The following PRKCH variants were observed in gnomAD, a reference collection of about 807,000 sequenced individuals.
PRKCH encodes protein kinase C eta type.
In PRKCH, 28 loss-of-function variants were observed where a neutral mutation model predicts 82.5. That is an observed-to-expected ratio of 0.34 (90% CI 0.25 to 0.47). The LOEUF (loss-of-function observed/expected upper bound fraction) is 0.47. PRKCH is among the 20% of genes least tolerant of loss of function. The pLI, the probability that PRKCH is intolerant of heterozygous loss-of-function variation, is 1.00. For missense variants in PRKCH, 705 were observed against 881.8 expected, an observed-to-expected ratio of 0.80 and a Z score of 2.54; for synonymous variants, 322 against 327.4, an observed-to-expected ratio of 0.98 and a Z score of 0.18.
chr14:61,408,953 G>A (rs762903433), intron 2 of PRKCH, among the ~76,000 whole-genome samples: 15 of 152,238 alleles, frequency 9.9e-5, no homozygotes, highest in Non-Finnish European at 2.2e-4. Context: ...TCAGGGCAAG[G>A]TCGGGAAGGT....
At chr14:61,511,107 C>T (rs1180260746) in intron 10 of PRKCH, among the ~76,000 whole-genome samples, 5 of 152,180 alleles carry the variant, frequency 3.3e-5, no homozygotes, top group Admixed American at 6.5e-5. Context: ...GAACTCTCAT[C>T]TTACTTTGGT....
intron 5 of PRKCH, among the ~76,000 whole-genome samples, chr14:61,450,478 T>A (rs142380681): frequency 4.9e-4 from 75 of 152,290 alleles, no homozygotes; most frequent in African/African-American, 1.8e-3. Flanking sequence ...ATATAGTGTA[T>A]AAAAGACCCA....
intron 2 of PRKCH, among the ~76,000 whole-genome samples, chr14:61,395,549 A>C (rs535055122): frequency 3.3e-5 from 5 of 152,154 alleles, no homozygotes; most frequent in Non-Finnish European, 7.4e-5. Flanking sequence ...TCCTGGAGGC[A>C]CTGTCAAAGC....
At chr14:61,345,430 T>C (rs1191935428) in intron 1 of PRKCH, among the ~76,000 whole-genome samples, 1 of 152,212 alleles carries the variant, frequency 6.6e-6, no homozygotes, top group African/African-American at 2.4e-5. Context: ...TCAACATTTG[T>C]ATATGGAGGC....
chr14:61,195,817 G>A (rs939638008), intron 1 of PRKCH, among the ~76,000 whole-genome samples: 4 of 151,986 alleles, frequency 2.6e-5, no homozygotes, highest in African/African-American at 7.3e-5. Context: ...GCAAACTTCT[G>A]GTGTCTCTTC....
intron 9 of PRKCH, among the ~76,000 whole-genome samples, chr14:61,461,526 T>G (rs1885028061): frequency 3.9e-5 from 6 of 152,184 alleles, no homozygotes. Context: ...TGACATGAGG[T>G]TAGATCATCT....
intron 2 of PRKCH, among the ~76,000 whole-genome samples, chr14:61,430,357 G>A (rs1883323276): frequency 6.6e-6 from 1 of 152,112 alleles, no homozygotes; most frequent in African/African-American, 2.4e-5. Flanking sequence ...ATTTTTAGTG[G>A]GAGTTCAAAA....
At chr14:61,226,725 A>G (rs774597423) in intron 1 of PRKCH, among the ~76,000 whole-genome samples, 1 of 152,212 alleles carries the variant, frequency 6.6e-6, no homozygotes, top group Non-Finnish European at 1.5e-5. Flanking sequence ...GAAGGCAAAC[A>G]TTTGAGCATT....
intron 10 of PRKCH, among the ~76,000 whole-genome samples, chr14:61,489,105 A>C (rs1886349556): frequency 6.6e-6 from 1 of 152,208 alleles, no homozygotes; most frequent in African/African-American, 2.4e-5. Context: ...ACACACAGTA[A>C]AGGGCACATT....
Position 61,424,966 on chromosome 14 carries a change from A to G in PRKCH, c.428-18145A>G, listed in dbSNP as rs140873313. 5.9e-3 allele frequency among the ~76,000 whole-genome samples: 904 copies of G among 152,352 alleles called. 9 individuals carry two copies. The highest frequency in any genetic ancestry group is 0.02 in the African/African-American group (811 of 41,578). ...TTTGCTTCAGAGGGTGCAAGCCCCA[A>G]TCCTTGGTGGCTTCCATGTGGTGTT... On this transcript the variant is annotated intron_variant, in intron 2 of 13. Coordinates refer to ENST00000332981, the MANE Select transcript of PRKCH (RefSeq NM_006255.5).
intron 1 of PRKCH, among the ~76,000 whole-genome samples, chr14:61,313,267 T>C (rs2045538594): frequency 6.6e-6 from 1 of 152,236 alleles, no homozygotes; most frequent in Non-Finnish European, 1.5e-5. Context: ...GACTTGTAGT[T>C]AATAACTACT....
In PRKCH at chr14:61,201,413, C is replaced by A. The variant is rs1014791929; in HGVS notation, c.-19+13745C>A. ...TACTTCTATGATATATTGCTTCTGG[C>A]TAAGCTATGTTATCCAATCAGCAAT... On this transcript the variant is annotated intron_variant, in intron 1 of 3. Transcript: ENST00000555185. Among the ~76,000 whole-genome samples, 5 of 152,044 alleles carry A rather than the reference C, an allele frequency of 3.3e-5. No individual in the cohort carries two copies. The East Asian group carries it at 9.6e-4, about 29-fold the overall frequency.
chr14:61,402,940 A>G (rs755641491), intron 2 of PRKCH, among the ~76,000 whole-genome samples: 1 of 151,920 alleles, frequency 6.6e-6, no homozygotes, highest in South Asian at 2.1e-4. Flanking sequence ...GGTTAGTTAC[A>G]TATATATACA....
At chr14:61,420,429 T>C (rs906506584) in intron 2 of PRKCH, among the ~76,000 whole-genome samples, 1 of 152,174 alleles carries the variant, frequency 6.6e-6, no homozygotes, top group Non-Finnish European at 1.5e-5. Context: ...ACAATACCAC[T>C]ATGTGAGTCA....
intron 1 of PRKCH, among the ~76,000 whole-genome samples, chr14:61,380,719 T>C (rs1003484201): frequency 7.9e-5 from 12 of 152,330 alleles, no homozygotes; most frequent in African/African-American, 2.9e-4. Context: ...TCTTCAGATA[T>C]TGGAATCAAA....
rs755354071 is a variant in PRKCH at position 61,446,818 on chromosome 14, T to TA, written c.613+1094dup. Among the ~76,000 whole-genome samples the TA allele has an allele frequency of 6.6e-4, 101 of 152,376 alleles. 1 individual carries two copies. The highest frequency in any genetic ancestry group is 3.4e-3 in the Middle Eastern group (1 of 294). Reference sequence around the variant, plus strand: ...GTAGCCCATCTTATGCACACCAAGATAAGTTGAGAAGCTCTGGATAAACAA... The same window carrying TA: ...GTAGCCCATCTTATGCACACCAAGATAAAGTTGAGAAGCTCTGGATAAACAA... On this transcript the variant is annotated intron_variant, in intron 4 of 13. Transcript: ENST00000332981.
At chr14:61,331,411 G>A (rs530062484) in intron 1 of PRKCH, among the ~76,000 whole-genome samples, 5 of 152,166 alleles carry the variant, frequency 3.3e-5, no homozygotes, top group South Asian at 2.1e-4. Context: ...CCCGTGTACT[G>A]GGGAGGCTGA....
intron 9 of PRKCH, among the ~76,000 whole-genome samples, chr14:61,462,360 A>C (rs1885064290): frequency 6.6e-6 from 1 of 152,230 alleles, no homozygotes; most frequent in Admixed American, 6.5e-5. Context: ...ATTGCACTCC[A>C]ACCTGGGTGA....
At position 61,280,488 on chromosome 14, in the gene PRKCH, G is replaced by T. The variant is rs748199194; in HGVS notation, c.-19+92820G>T. On this transcript the variant is annotated intron_variant, in intron 1 of 3. Transcript: ENST00000555185. The surrounding 1 kb of genome is among the most constrained non-coding windows in gnomAD (Gnocchi z 5.0). ...AGTTGGGCGGGGGCGCCGTGCCCTG[G>T]AAGGCCAACGCCAGGCTGCCGTTGA... is the stretch of plus-strand genomic sequence containing the variant. 21 of 1,613,102 alleles carry T rather than the reference G, an allele frequency of 1.3e-5. No homozygotes were observed. Among genetic ancestry groups the T allele is most frequent in the Non-Finnish European group, 1.7e-5 (20 of 1,179,636 alleles).
Sources: allele counts gnomAD v4.1 joint callset (sites outside exome capture counted in the v4.1 genomes callset), GRCh38; gene constraint gnomAD v4.1.1; non-coding constraint Gnocchi (gnomAD v3.1); transcripts MANE v1.5; gene names NCBI Gene and HGNC (gene_info 2026-07-23, HGNC 2026-07-21).